ZC3H3: variants seen among roughly 807,000 people sequenced by gnomAD.
ZC3H3 encodes the protein zinc finger CCCH domain-containing protein 3.
ZC3H3 carries 36 observed loss-of-function variants against 77.3 expected under a neutral mutation model. The ratio of observed to expected loss-of-function variants is 0.47; its 90% confidence interval spans 0.36 to 0.61. The LOEUF is 0.61. ZC3H3 is among the 20% of genes least tolerant of loss of function. The pLI, the probability that ZC3H3 is intolerant of heterozygous loss-of-function variation, is 0.00. For missense variants in ZC3H3, 1,331 were observed against 1,312.2 expected (o/e 1.01, Z -0.22); for synonymous variants, 626 against 555.2 (o/e 1.13, Z -1.79).
At chr8:143,491,227 G>T (rs1302320633) in intron 4 of ZC3H3, among the ~76,000 whole-genome samples, 1 of 152,174 alleles carries the variant, frequency 6.6e-6, no homozygotes, top group Non-Finnish European at 1.5e-5. Context: ...CCCCCGGGGG[G>T]CCCTTGAGCT....
intron 4 of ZC3H3, chr8:143,484,849 C>T: frequency 2.2e-6 from 1 of 455,132 alleles, no homozygotes; most frequent in Non-Finnish European, 4.4e-6. Context: ...GGCCCTGGGA[C>T]AGCCCCTCCG....
intron 9 of ZC3H3, among the ~76,000 whole-genome samples, chr8:143,459,471 C>G (rs923368442): frequency 2.0e-5 from 3 of 151,928 alleles, no homozygotes; most frequent in African/African-American, 7.3e-5. Context: ...ATTGCTCCAA[C>G]CTGGGAGGCG....
intron 4 of ZC3H3, among the ~76,000 whole-genome samples, chr8:143,495,762 C>CT (rs77825264): frequency 0.47 from 65,621 of 139,482 alleles, 15,616 homozygotes; most frequent in East Asian, 0.68. Context: ...TCTTTTCTTT[C>CT]TTTTTTTTTT....
At chr8:143,481,880 C>T (rs1181344123) in intron 4 of ZC3H3, among the ~76,000 whole-genome samples, 1 of 152,266 alleles carries the variant, frequency 6.6e-6, no homozygotes, top group Non-Finnish European at 1.5e-5. Context: ...CTGGCAGAAG[C>T]CCTGCCCCGA....
At chr8:143,482,189 G>A (rs916006973) in intron 4 of ZC3H3, among the ~76,000 whole-genome samples, 2 of 152,264 alleles carry the variant, frequency 1.3e-5, no homozygotes, top group Non-Finnish European at 2.9e-5. Context: ...CTGGTTTCTG[G>A]AAAGCACTGT....
chr8:143,472,316 A>G (rs1159167888), intron 5 of ZC3H3, among the ~76,000 whole-genome samples: 1 of 152,246 alleles, frequency 6.6e-6, no homozygotes, highest in Admixed American at 6.5e-5. Context: ...CCAGTCAGCA[A>G]GGGTGGCCGG....
At chr8:143,489,293 G>A (rs1034187843) in intron 4 of ZC3H3, among the ~76,000 whole-genome samples, 2 of 151,568 alleles carry the variant, frequency 1.3e-5, no homozygotes, top group Non-Finnish European at 2.9e-5. Flanking sequence ...CTGGGCAGGG[G>A]ACGCCCCAGG....
chr8:143,523,192 C>T (rs1480935197), intron 3 of ZC3H3, among the ~76,000 whole-genome samples: 1 of 152,226 alleles, frequency 6.6e-6, no homozygotes. Flanking sequence ...TCAACCAGCA[C>T]TCTGGTGGGC....
chr8:143,489,953 C>T (rs998169163), intron 4 of ZC3H3, among the ~76,000 whole-genome samples: 5 of 152,096 alleles, frequency 3.3e-5, no homozygotes, highest in Non-Finnish European at 5.9e-5. Flanking sequence ...GTCCCTGGGC[C>T]GGTCCCTGGG....
chr8:143,528,287 C>T lies in ZC3H3; in HGVS notation c.1561+7970G>A, dbSNP rs555414800. Among the ~76,000 whole-genome samples the T allele has an allele frequency of 3.2e-3, 491 of 152,332 alleles. 3 individuals carry two copies. The highest frequency in any genetic ancestry group is 0.011 in the African/African-American group (472 of 41,588). On this transcript the variant is annotated intron_variant, in intron 3 of 11. Coordinates refer to ENST00000262577, the MANE Select transcript of ZC3H3 (RefSeq NM_015117.3). Reference sequence around the variant, plus strand: ...TCCAGCTCCCCACAAGGCTGGGACCCAGACCCAGCCAACTCACAACAGAAG... The same window carrying T: ...TCCAGCTCCCCACAAGGCTGGGACCTAGACCCAGCCAACTCACAACAGAAG...
At position 143,440,216 on chromosome 8, in the gene ZC3H3, T is replaced by TTTG. The variant is rs1554636719; in HGVS notation, c.2639_2640insCAA (p.Ser880_Ser881insLys). 3.8e-6 allele frequency: 6 copies of TTTG among 1,568,190 alleles called. No homozygotes were observed. The highest frequency in any genetic ancestry group is 4.4e-6 in the Non-Finnish European group (5 of 1,147,912). The stretch of plus-strand genomic sequence containing the variant: ...CGTGGTCCAAGGAAGCGGGAGGGGA[T>TTTG]GAGGAGGAGGAGGAGGAGGAGGAAG... On this transcript the variant is annotated inframe_insertion, in exon 11 of 12. Transcript: ENST00000262577.
At chr8:143,536,535 C>CTGCTCCCACGCTCCTCG in intron 2 of ZC3H3, 82 bp from the exon 3 acceptor site, 1 of 1,372,870 alleles carries the variant, frequency 7.3e-7, no homozygotes, top group Non-Finnish European at 9.6e-7. Flanking sequence ...ACCCGAGGAG[C>CTGCTCCCACGCTCCTCG]GTGGGAGCAG....
At position 143,460,505 on chromosome 8, in the gene ZC3H3, G is replaced by A. The variant is rs1195486391; in HGVS notation, c.2307+5212C>T. Among the ~76,000 whole-genome samples the A allele has an allele frequency of 6.6e-6, 1 of 152,082 alleles. No homozygotes were observed. The highest frequency in any genetic ancestry group is 2.4e-5 in the African/African-American group (1 of 41,408). On this transcript the variant is annotated intron_variant, in intron 9 of 11. Transcript: ENST00000262577. This position sits in a 1 kb window ranked among gnomAD's most constrained non-coding sequence, Gnocchi z 4.0. ...TCAGCCACAACAGAAAACACTTGCC[G>A]ATTCCTCAGAAAGCTAAACACAGAA...
chr8:143,450,019 G>A (rs1248082211), intron 9 of ZC3H3, among the ~76,000 whole-genome samples: 7 of 152,122 alleles, frequency 4.6e-5, no homozygotes, highest in Admixed American at 4.6e-4. Flanking sequence ...TCATCTTGCT[G>A]TCTTCTTCTG....
intron 3 of ZC3H3, among the ~76,000 whole-genome samples, chr8:143,529,738 C>T (rs933505422): frequency 6.6e-6 from 1 of 152,192 alleles, no homozygotes; most frequent in Non-Finnish European, 1.5e-5. Context: ...TCAGGTCCCA[C>T]CTGGGTCCTG....
intron 4 of ZC3H3, among the ~76,000 whole-genome samples, chr8:143,477,006 C>A (rs1270275568): frequency 6.6e-6 from 1 of 152,208 alleles, no homozygotes; most frequent in East Asian, 1.9e-4. Flanking sequence ...GCAGCATATC[C>A]ATCAAAGCCA....
chr8:143,477,990 G>A (rs1382526102), intron 4 of ZC3H3, among the ~76,000 whole-genome samples: 1 of 152,168 alleles, frequency 6.6e-6, no homozygotes, highest in Non-Finnish European at 1.5e-5. Flanking sequence ...AGGCTCCAGT[G>A]AGTAGATGGT....
intron 3 of ZC3H3, among the ~76,000 whole-genome samples, chr8:143,519,632 T>A (rs1822176173): frequency 1.3e-5 from 2 of 152,110 alleles, no homozygotes; most frequent in Non-Finnish European, 1.5e-5. Context: ...CAGGCGAGCG[T>A]GCCGTGCTGT....
chr8:143,497,634 T>G (rs932774940), intron 4 of ZC3H3, among the ~76,000 whole-genome samples: 9 of 152,272 alleles, frequency 5.9e-5, no homozygotes, highest in African/African-American at 2.2e-4. Flanking sequence ...GACGCAATGC[T>G]GCGGTCAGGA....
Sources: allele counts gnomAD v4.1 joint callset (sites outside exome capture counted in the v4.1 genomes callset), GRCh38; gene constraint gnomAD v4.1.1; non-coding constraint Gnocchi (gnomAD v3.1); transcripts MANE v1.5; gene names NCBI Gene and HGNC (gene_info 2026-07-23, HGNC 2026-07-21).